The following OR10J1 variants were observed in gnomAD, a reference collection of about 807,000 sequenced individuals.
OR10J1 encodes olfactory receptor family 10 subfamily J member 1.
For missense variants in OR10J1, 474 were observed against 376.6 expected, an observed-to-expected ratio of 1.26 and a Z score of -2.14; for synonymous variants, 202 against 143.8, an observed-to-expected ratio of 1.40 and a Z score of -2.89.
chr1:159,439,654 T>G (rs934944274), upstream of OR10J1: 5 of 1,020,944 alleles, frequency 4.9e-6, no homozygotes, highest in African/African-American at 7.9e-5. Context: ...GGGATTAACT[T>G]AATCCACTAG....
the OR10J1 span, among the ~76,000 whole-genome samples, chr1:159,419,103 T>C: frequency 6.6e-6 from 1 of 152,216 alleles, no homozygotes; most frequent in African/African-American, 2.4e-5. Context: ...AAAGGGGACT[T>C]GGCTTGGCTC....
the OR10J1 span, among the ~76,000 whole-genome samples, chr1:159,413,927 G>T: frequency 3.9e-5 from 6 of 151,936 alleles, no homozygotes; most frequent in East Asian, 7.7e-4. Flanking sequence ...TGTATGTATA[G>T]TTCACACTTA....
the OR10J1 span, among the ~76,000 whole-genome samples, chr1:159,412,675 C>G: frequency 6.6e-6 from 1 of 151,862 alleles, no homozygotes; most frequent in Non-Finnish European, 1.5e-5. Flanking sequence ...ACACCTTACA[C>G]AAAAATTAAT....
upstream of OR10J1, among the ~76,000 whole-genome samples, chr1:159,436,889 T>TA (rs1655752093): frequency 6.6e-6 from 1 of 152,190 alleles, no homozygotes. Flanking sequence ...CACTTACAGT[T>TA]ACATTTCAGT....
the OR10J1 span, chr1:159,432,152 C>A: frequency 2.5e-6 from 1 of 400,302 alleles, no homozygotes; most frequent in East Asian, 3.6e-5. Context: ...CTGTTTCCAG[C>A]CTGGATGCTC....
chr1:159,432,543 T>A, the OR10J1 span: 1 of 470,432 alleles, frequency 2.1e-6, no homozygotes. Flanking sequence ...CAATAAATGC[T>A]TCCTGCTCAC....
In OR10J1 at chr1:159,440,757, CCA is replaced by C. The variant is rs757281044; in HGVS notation, c.*40_*41del. On this transcript the variant is annotated 3_prime_UTR_variant, in exon 1 of 1. Transcript: ENST00000423932. ...AGAGTTCTCCTGAGGCTGTCAACAT[CCA>C]CACTAGGCAGGAATATGAGGTGTAA... The C allele has an allele frequency of 7.0e-6, 11 of 1,581,486 alleles. No homozygotes were observed. Among genetic ancestry groups the C allele is most frequent in the Non-Finnish European group, 9.5e-6 (11 of 1,161,374 alleles).
At chr1:159,402,002 C>A in the OR10J1 span, among the ~76,000 whole-genome samples, 2 of 152,014 alleles carry the variant, frequency 1.3e-5, no homozygotes, top group South Asian at 2.1e-4. Flanking sequence ...ACCATATGAT[C>A]ATTTTAACTG....
chr1:159,416,881 T>C, the OR10J1 span, among the ~76,000 whole-genome samples: 44 of 152,180 alleles, frequency 2.9e-4, 1 homozygote, highest in South Asian at 7.9e-3. Flanking sequence ...TTGCTCATAA[T>C]AGTCTCCAAT....
upstream of OR10J1, among the ~76,000 whole-genome samples, chr1:159,437,413 A>G (rs965111835): frequency 6.6e-6 from 1 of 152,122 alleles, no homozygotes; most frequent in Non-Finnish European, 1.5e-5. Context: ...ACTTCCTGAA[A>G]TCCAAGGTGG....
At chr1:159,404,265 G>A in the OR10J1 span, among the ~76,000 whole-genome samples, 1 of 152,086 alleles carries the variant, frequency 6.6e-6, no homozygotes, top group African/African-American at 2.4e-5. Context: ...TCTTGAAAAG[G>A]CCTGAGTTGG....
At position 159,440,610 on chromosome 1, in the gene OR10J1, C is replaced by A; in HGVS notation, c.819C>A (p.Ile273=). 4 of 1,613,934 alleles carry A rather than the reference C, an allele frequency of 2.5e-6. 1 individual carries two copies. The Middle Eastern group carries it at 4.9e-4, about 200-fold the overall frequency. ...ACACCAGAGAACATGACCAGCTGAT[C>A]TCGGTGACCTACACTGTCATCACTC... The part of the protein sequence containing the change: ...SENTREHDQL[I]SVTYTVITPL... Residue 273 remains isoleucine (I), a synonymous_variant, in exon 1 of 1, where the codon ATC becomes ATA. Coordinates refer to ENST00000423932, the MANE Select transcript of OR10J1 (RefSeq NM_012351.3).
chr1:159,428,327 CT>C, the OR10J1 span, among the ~76,000 whole-genome samples: 2 of 152,092 alleles, frequency 1.3e-5, no homozygotes, highest in African/African-American at 2.4e-5. Flanking sequence ...TTAGCCTTTT[CT>C]CCCTAAACCC....
the OR10J1 span, chr1:159,432,293 G>A: frequency 7.5e-6 from 3 of 401,004 alleles, no homozygotes; most frequent in African/African-American, 6.2e-5. Flanking sequence ...TCCTCTTTGT[G>A]ATCTTTTTGG....
chr1:159,429,099 G>A, the OR10J1 span, among the ~76,000 whole-genome samples: 1 of 152,280 alleles, frequency 6.6e-6, no homozygotes, highest in East Asian at 1.9e-4. Context: ...AGAGAAAGAG[G>A]GGGCTACAGA....
At chr1:159,401,513 A>C in the OR10J1 span, among the ~76,000 whole-genome samples, 2 of 152,044 alleles carry the variant, frequency 1.3e-5, no homozygotes, top group African/African-American at 4.8e-5. Context: ...GAAATGAACA[A>C]ATACTTAGGT....
In OR10J1 at chr1:159,440,054, T is replaced by G. The variant is rs1228134781; in HGVS notation, c.263T>G (p.Met88Arg). The G allele has an allele frequency of 1.2e-6, 2 of 1,614,030 alleles. No individual in the cohort carries two copies. The highest frequency in any genetic ancestry group is 1.7e-6 in the Non-Finnish European group (2 of 1,180,020). The part of the protein sequence containing the change: ...LPRMLSSLVG[M>R]SQPISLAGCA... ...AGAATGCTCTCCAGCCTCGTAGGTA[T>G]GAGCCAGCCCATATCATTGGCAGGG... The change falls in exon 1 of 1, where the codon ATG becomes AGG. Residue 88 changes from methionine to arginine, a missense_variant. By Grantham distance (91) the Met-to-Arg change is moderately conservative. Transcript: ENST00000423932.
At position 159,440,373 on chromosome 1, in the gene OR10J1, T is replaced by C; in HGVS notation, c.582T>C (p.Asn194=). 8 of 1,614,190 alleles carry C rather than the reference T, an allele frequency of 5.0e-6. No homozygotes were observed. The highest frequency in any genetic ancestry group is 1.3e-5 in the African/African-American group (1 of 75,048). ...MKLSCIDTTV[N]EILTLIISVL... ...TCTCCTGCATTGACACCACTGTCAA[T>C]GAAATCCTGACTTTGATTATCAGTG... is the stretch of plus-strand genomic sequence containing the variant. Residue 194 remains asparagine, a synonymous_variant, in exon 1 of 1, where the codon AAT becomes AAC. Transcript: ENST00000423932.
chr1:159,436,360 G>C (rs1009917840), upstream of OR10J1, among the ~76,000 whole-genome samples: 4 of 152,024 alleles, frequency 2.6e-5, no homozygotes, highest in Non-Finnish European at 4.4e-5. Context: ...GAAATTATTG[G>C]TTCTTTCCTC....
Sources: gnomAD v4.1 joint callset for allele counts (sites outside exome capture counted in the v4.1 genomes callset) on GRCh38, gnomAD v4.1.1 for gene constraint, MANE v1.5 for transcripts, NCBI Gene and HGNC (gene_info 2026-07-23, HGNC 2026-07-21) for gene names.